Variants in SEMA4D observed in about 807,000 individuals in gnomAD.
SEMA4D encodes semaphorin-4D.
SEMA4D carries 22 observed loss-of-function variants against 74.8 expected under a neutral mutation model. That is an observed-to-expected ratio of 0.29 (90% confidence interval 0.21 to 0.42). The LOEUF is 0.42. Among genes scored for constraint, SEMA4D ranks in the 10% least tolerant of loss-of-function variants. The pLI is 1.00. For missense variants in SEMA4D, 937 were observed against 1,118.4 expected, an observed-to-expected ratio of 0.84 and a Z score of 2.31; for synonymous variants, 445 against 463.7, an observed-to-expected ratio of 0.96 and a Z score of 0.52.
At chr9:89,493,693 A>G (rs1234188724) in intron 1 of SEMA4D, among the ~76,000 whole-genome samples, 1 of 152,196 alleles carries the variant, frequency 6.6e-6, no homozygotes, top group Non-Finnish European at 1.5e-5. Context: ...TTACAATTCT[A>G]AGCAATTTCT....
At chr9:89,466,633 C>T (rs1303392394) in intron 1 of SEMA4D, among the ~76,000 whole-genome samples, 1 of 149,834 alleles carries the variant, frequency 6.7e-6, no homozygotes, top group African/African-American at 2.4e-5. Context: ...CCTGCATGTG[C>T]ACACTCTCAA....
At chr9:89,465,785 A>G (rs1858529453) in intron 1 of SEMA4D, among the ~76,000 whole-genome samples, 1 of 152,236 alleles carries the variant, frequency 6.6e-6, no homozygotes. Context: ...TCGGATATCT[A>G]TGACTTACAG....
In SEMA4D at chr9:89,385,054, C is replaced by T. The variant is rs965591262; in HGVS notation, c.1446+1313G>A. The T allele has an allele frequency of 4.1e-6, 4 of 985,042 alleles. No homozygotes were observed. In the Admixed American group the frequency reaches 2.5e-4, roughly 60 times the overall value. 61.0% of individuals were successfully genotyped at this position (985,042 alleles called of 1,614,324 possible). A position where few individuals can be genotyped will look rare whatever the true frequency, so the allele number is the denominator to read the frequency against. ...AAGCGCTTCCCCAAACCCACTGGCT[C>T]CTCCTCCTGGGCGCGAGGCTCCCTG... On this transcript the variant is annotated intron_variant, in intron 13 of 15. Coordinates refer to ENST00000422704, the MANE Select transcript of SEMA4D (RefSeq NM_001371194.2).
intron 1 of SEMA4D, among the ~76,000 whole-genome samples, chr9:89,475,212 G>T (rs1300361533): frequency 1.3e-5 from 2 of 152,222 alleles, no homozygotes; most frequent in African/African-American, 4.8e-5. Flanking sequence ...TGTCACAGAG[G>T]CTGGGCAGGA....
exon 19 of SEMA4D, chr9:89,361,541 T>TA (rs1312313322): frequency 1.3e-5 from 2 of 152,326 alleles, no homozygotes; most frequent in African/African-American, 4.8e-5. Flanking sequence ...TCTTCAGAGA[T>TA]ACAGCTTTAA....
intron 16 of SEMA4D, among the ~76,000 whole-genome samples, chr9:89,371,646 A>G (rs985853964): frequency 2.7e-3 from 24 of 9,050 alleles, no homozygotes; most frequent in Admixed American, 7.0e-3. Context: ...TGTGTGTGGG[A>G]TGTGTCTGGG....
At chr9:89,478,419 C>T (rs888231345) in intron 1 of SEMA4D, among the ~76,000 whole-genome samples, 2 of 152,096 alleles carry the variant, frequency 1.3e-5, no homozygotes, top group Admixed American at 6.5e-5. Context: ...CGGAGGCCCC[C>T]CTAGAGCCTC....
chr9:89,405,318 G>A (rs1217845365), intron 3 of SEMA4D, 33 bp downstream of exon 3: 3 of 1,582,038 alleles, frequency 1.9e-6, no homozygotes, highest in East Asian at 2.2e-5. Context: ...CCCATCCCAG[G>A]CCATCAGCAC....
intron 7 of SEMA4D, 57 bp from the exon 8 acceptor site, chr9:89,392,593 C>A: frequency 9.6e-7 from 1 of 1,042,392 alleles, no homozygotes. Flanking sequence ...GCTATGGCAC[C>A]AACACTGGGA....
chr9:89,422,404 G>A (rs1053086176), intron 2 of SEMA4D, among the ~76,000 whole-genome samples: 1 of 152,334 alleles, frequency 6.6e-6, no homozygotes, highest in Admixed American at 6.5e-5. Flanking sequence ...AGGACGGTTG[G>A]GGGGCCCTGC....
intron 2 of SEMA4D, among the ~76,000 whole-genome samples, chr9:89,431,280 G>A (rs1006369996): frequency 7.9e-5 from 12 of 152,262 alleles, no homozygotes; most frequent in African/African-American, 2.9e-4. Flanking sequence ...CTGCGGGTGA[G>A]CCACCCGGGG....
rs761582245 is a variant in SEMA4D, at chr9:89,378,874, GGTGCTC to G, written c.2413_2418del (p.Glu805_His806del). 1.2e-6 allele frequency: 2 copies of G among 1,614,170 alleles called. No homozygotes were observed. Among genetic ancestry groups the G allele is most frequent in the African/African-American group, 2.7e-5 (2 of 75,038 alleles). Reference sequence around the variant, plus strand: ...TAGCCGGTGTCCAGGGCTGGCTTGGGGTGCTCCCCATTCTGCTGGGAGAAGCTCCCT... The same window carrying G: ...TAGCCGGTGTCCAGGGCTGGCTTGGGCCCATTCTGCTGGGAGAAGCTCCCT... On this transcript the variant is annotated inframe_deletion, in exon 16 of 16. Coordinates refer to ENST00000422704, the MANE Select transcript of SEMA4D (RefSeq NM_001371194.2).
At chr9:89,370,008 T>A (rs187297094) in intron 16 of SEMA4D, among the ~76,000 whole-genome samples, 164 of 151,712 alleles carry the variant, frequency 1.1e-3, no homozygotes, top group Non-Finnish European at 1.9e-3. Flanking sequence ...GTATGATTGG[T>A]GTGTGTGTGA....
intron 13 of SEMA4D, among the ~76,000 whole-genome samples, chr9:89,382,435 A>C (rs936731546): frequency 6.6e-6 from 1 of 151,428 alleles, no homozygotes; most frequent in African/African-American, 2.4e-5. Flanking sequence ...TGTGGTTGGA[A>C]GATCACAGGC....
intron 2 of SEMA4D, among the ~76,000 whole-genome samples, chr9:89,432,104 G>A (rs1462043347): frequency 1.3e-5 from 2 of 152,120 alleles, no homozygotes; most frequent in African/African-American, 2.4e-5. Context: ...TGCACCCTCT[G>A]GGCCCACCCT....
At chr9:89,454,983 G>A (rs1004916534) in intron 2 of SEMA4D, among the ~76,000 whole-genome samples, 1 of 152,260 alleles carries the variant, frequency 6.6e-6, no homozygotes, top group Non-Finnish European at 1.5e-5. Context: ...TGAAGTGACG[G>A]GCCAGCCCAT....
At chr9:89,379,663 C>T in intron 15 of SEMA4D, 34 bp from the exon 16 acceptor site, 1 of 1,572,548 alleles carries the variant, frequency 6.4e-7, no homozygotes, top group Non-Finnish European at 8.6e-7. Context: ...ACAGCGTCAA[C>T]AATCCCCATT....
chr9:89,456,273 G>A (rs539253954), intron 1 of SEMA4D, among the ~76,000 whole-genome samples: 1 of 152,298 alleles, frequency 6.6e-6, no homozygotes, highest in Non-Finnish European at 1.5e-5. Flanking sequence ...GCCTCTCCTT[G>A]GCTCAGCACA....
chr9:89,371,097 TATAA>T, intron 16 of SEMA4D, among the ~76,000 whole-genome samples: 1 of 18,584 alleles, frequency 5.4e-5, no homozygotes, highest in Non-Finnish European at 9.8e-5. Context: ...GTCTGGGGTG[TATAA>T]GGTGTGTGTG....
Sources: allele counts gnomAD v4.1 joint callset (sites outside exome capture counted in the v4.1 genomes callset), GRCh38; gene constraint gnomAD v4.1.1; transcripts MANE v1.5; gene names NCBI Gene and HGNC (gene_info 2026-07-23, HGNC 2026-07-21).